Variants in DNAAF5 observed in about 807,000 individuals in gnomAD.
DNAAF5 encodes HEAT repeat containing 2.
A neutral mutation model predicts 75.8 loss-of-function variants in DNAAF5; 64 were observed. The ratio of observed to expected loss-of-function variants is 0.84; its 90% CI spans 0.69 to 1.04. DNAAF5 has a LOEUF of 1.04. Ranked by LOEUF, DNAAF5 falls within the 50% of genes least tolerant of loss-of-function variation. The pLI is 0.00. For synonymous variants in DNAAF5, 657 were observed against 557.2 expected, an observed-to-expected ratio of 1.18 and a Z score of -2.52; for missense variants, 1,269 against 1,178.5, an observed-to-expected ratio of 1.08 and a Z score of -1.12.
intron 2 of DNAAF5, among the ~76,000 whole-genome samples, chr7:733,737 G>A (rs1157187573): frequency 2.6e-5 from 4 of 152,086 alleles, no homozygotes; most frequent in African/African-American, 4.8e-5. Flanking sequence ...TTCGTGATCC[G>A]ACTGCCTCAG....
At chr7:735,558 G>T (rs753124808) in intron 2 of DNAAF5, among the ~76,000 whole-genome samples, 2 of 152,146 alleles carry the variant, frequency 1.3e-5, no homozygotes. Flanking sequence ...TCACAGTGTC[G>T]CTGCTCACGA....
chr7:765,631 A>G (rs1007714319), intron 8 of DNAAF5, among the ~76,000 whole-genome samples: 3 of 152,214 alleles, frequency 2.0e-5, no homozygotes, highest in African/African-American at 4.8e-5. Flanking sequence ...ATCTCCTGTC[A>G]TTCACTGAAA....
intron 4 of DNAAF5, among the ~76,000 whole-genome samples, chr7:746,418 CCCCCACCCAACA>C: frequency 9.4e-5 from 7 of 74,578 alleles, no homozygotes; most frequent in African/African-American, 3.7e-4. Flanking sequence ...GTCCTGCTGC[CCCCCACCCAACA>C]TGCCCAGGGC....
Position 748,834 on chromosome 7 carries a change from A to G in DNAAF5, c.1025-5755A>G, listed in dbSNP as rs201314075. On this transcript the variant is annotated intron_variant, in intron 4 of 12. Transcript: ENST00000297440. The stretch of plus-strand genomic sequence containing the variant: ...CTTACCAGCAAGAACGGACAGTCCA[A>G]CCGTGTGGTTGGGTTGCCGAGTGCG... Among the ~76,000 whole-genome samples, 11 of 152,262 alleles carry G rather than the reference A, an allele frequency of 7.2e-5. No homozygotes were observed. The East Asian group carries it at 1.7e-3, about 24-fold the overall frequency.
chr7:730,157 C>T (rs1382092635), intron 2 of DNAAF5, among the ~76,000 whole-genome samples: 6 of 152,164 alleles, frequency 3.9e-5, no homozygotes, highest in East Asian at 1.9e-4. Flanking sequence ...TCCATCAAGA[C>T]GCACTTTCCC....
chr7:775,892 G>C (rs759858077), intron 11 of DNAAF5, among the ~76,000 whole-genome samples: 1 of 152,176 alleles, frequency 6.6e-6, no homozygotes, highest in African/African-American at 2.4e-5. Flanking sequence ...AGATGTGTGT[G>C]GGTCATGTGC....
intron 8 of DNAAF5, chr7:769,232 A>C: frequency 2.6e-6 from 2 of 758,258 alleles, no homozygotes; most frequent in Non-Finnish European, 4.9e-6. Flanking sequence ...TGGATAAGCC[A>C]GTGGACGCTC....
At chr7:779,313 G>A (rs1055828522) in intron 11 of DNAAF5, among the ~76,000 whole-genome samples, 6 of 152,200 alleles carry the variant, frequency 3.9e-5, no homozygotes, top group South Asian at 2.1e-4. Flanking sequence ...TCCCAGCGTC[G>A]GGAAGATGGG....
At chr7:770,338 A>C (rs1778511811) in intron 8 of DNAAF5, 133 bp from the exon 9 acceptor site, 2 of 711,442 alleles carry the variant, frequency 2.8e-6, no homozygotes, top group Non-Finnish European at 4.6e-6. Context: ...CTGATTGAGA[A>C]AGAGGAAGCG....
At chr7:761,284 C>T (rs1408481132) in intron 6 of DNAAF5, among the ~76,000 whole-genome samples, 1 of 152,268 alleles carries the variant, frequency 6.6e-6, no homozygotes, top group Non-Finnish European at 1.5e-5. Context: ...TCTCCCATGG[C>T]TGCTGCCCCT....
At position 736,665 on chromosome 7, in the gene DNAAF5, C is replaced by G. The variant is rs142484411; in HGVS notation, c.781-4154C>G. Among the ~76,000 whole-genome samples, 17 of 152,286 alleles carry G rather than the reference C, an allele frequency of 1.1e-4. No homozygotes were observed. In the East Asian group the frequency reaches 3.3e-3, roughly 29 times the overall value. On this transcript the variant is annotated intron_variant, in intron 2 of 12. Coordinates refer to ENST00000297440, the MANE Select transcript of DNAAF5 (RefSeq NM_017802.4). ...GTTTTTCTTTACCCATTCAGCCGCT[C>G]TGTCTTTTGAATGGAGAGTTTAGTC...
intron 8 of DNAAF5, among the ~76,000 whole-genome samples, chr7:766,938 A>G (rs1480653267): frequency 6.6e-6 from 1 of 152,214 alleles, no homozygotes; most frequent in African/African-American, 2.4e-5. Flanking sequence ...AGGAAATATG[A>G]ATTAAAGACT....
chr7:768,317 C>G (rs1356228269), intron 8 of DNAAF5, among the ~76,000 whole-genome samples: 1 of 147,890 alleles, frequency 6.8e-6, no homozygotes, highest in Non-Finnish European at 1.5e-5. Context: ...GTGCTGCGAG[C>G]AGGAGCTCTC....
intron 7 of DNAAF5, among the ~76,000 whole-genome samples, chr7:763,220 CAA>C (rs1322339343): frequency 1.3e-5 from 2 of 152,174 alleles, no homozygotes; most frequent in African/African-American, 4.8e-5. Context: ...CCAGCAAAAG[CAA>C]AGTCTTTGCC....
Position 754,863 on chromosome 7 carries a change from C to T in DNAAF5, c.1257+42C>T, listed in dbSNP as rs775632714. 7 of 1,434,398 alleles carry T rather than the reference C, an allele frequency of 4.9e-6. No individual in the cohort carries two copies. The highest frequency in any genetic ancestry group is 2.4e-5 in the East Asian group (1 of 41,056). 88.9% of individuals were successfully genotyped at this position (1,434,398 alleles called of 1,614,324 possible). ...CAGTCGTGGTCGCGGAGCTGTAACT[C>T]GAGCTTAAGATCCCGCCTCTGTGGT... On this transcript the variant is annotated intron_variant, in intron 5 of 12. Transcript: ENST00000297440. The surrounding 1 kb of genome is among the most constrained non-coding windows in gnomAD (Gnocchi z 4.8).
chr7:749,677 G>A (rs777532943), intron 4 of DNAAF5, among the ~76,000 whole-genome samples: 3 of 152,136 alleles, frequency 2.0e-5, no homozygotes, highest in Non-Finnish European at 4.4e-5. Context: ...TGAGTTAGCC[G>A]GGGGTGTTAC....
At chr7:781,465 A>G (rs1562403395) in intron 12 of DNAAF5, among the ~76,000 whole-genome samples, 1 of 144,570 alleles carries the variant, frequency 6.9e-6, no homozygotes, top group East Asian at 1.9e-4. Flanking sequence ...CTGTCGGAAC[A>G]GTGGGGCATT....
intron 7 of DNAAF5, among the ~76,000 whole-genome samples, 162 bp downstream of exon 7, chr7:762,058 G>C (rs1181392736): frequency 6.6e-6 from 1 of 152,096 alleles, no homozygotes; most frequent in Non-Finnish European, 1.5e-5. Flanking sequence ...ACGGCCTTCG[G>C]GGCAGCTCTC....
chr7:765,415 C>G lies in DNAAF5; in HGVS notation c.1783+1441C>G, dbSNP rs552788994. On this transcript the variant is annotated intron_variant, in intron 8 of 12. Transcript: ENST00000297440. Reference sequence around the variant, plus strand: ...GAATGTTACTCCTAACAACCTCTTGCACCAAATTACTCCAGCCTTCACCTC... The same window carrying G: ...GAATGTTACTCCTAACAACCTCTTGGACCAAATTACTCCAGCCTTCACCTC... Among the ~76,000 whole-genome samples the G allele has an allele frequency of 2.6e-4, 40 of 152,360 alleles. No individual in the cohort carries two copies. In the South Asian group the frequency reaches 8.3e-3, roughly 32 times the overall value.
Sources: allele counts gnomAD v4.1 joint callset (sites outside exome capture counted in the v4.1 genomes callset), GRCh38; gene constraint gnomAD v4.1.1; non-coding constraint Gnocchi (gnomAD v3.1); transcripts MANE v1.5; gene names NCBI Gene and HGNC (gene_info 2026-07-23, HGNC 2026-07-21).